SCN3A: variants seen among roughly 807,000 people sequenced by gnomAD.
SCN3A encodes the protein sodium voltage-gated channel alpha subunit 3, also known as sodium channel protein type 3 subunit alpha.
SCN3A carries 60 observed loss-of-function variants against 187.6 expected under a neutral mutation model. The ratio of observed to expected loss-of-function variants is 0.32; its 90% CI spans 0.26 to 0.40. The LOEUF (loss-of-function observed/expected upper bound fraction) is 0.40, where lower values mean the gene tolerates loss of function less well. Among genes scored for constraint, SCN3A ranks in the 10% least tolerant of loss-of-function variants. The probability of loss-of-function intolerance (pLI) is 1.00; values close to 1 mark genes in which losing one functional copy is unlikely to be tolerated. For missense variants in SCN3A, 1,601 were observed against 2,428.2 expected (o/e 0.66, Z 7.16); for synonymous variants, 788 against 829.2 (o/e 0.95, Z 0.85).
At chr2:165,125,305 A>G (rs1686919826) in intron 18 of SCN3A, among the ~76,000 whole-genome samples, 1 of 151,400 alleles carries the variant, frequency 6.6e-6, no homozygotes, top group Non-Finnish European at 1.5e-5. Flanking sequence ...TGACAGGATT[A>G]AACTTTTTTT....
In SCN3A at chr2:165,139,618, A is replaced by G; in HGVS notation, c.2020-10T>C. On this transcript the variant is annotated splice_polypyrimidine_tract_variant and intron_variant, in intron 13 of 27. Coordinates refer to ENST00000283254, the MANE Select transcript of SCN3A (RefSeq NM_006922.4). ...TTTCTGTGGTGGTGCCCTGCAAACCAAATACTGATGGCTCAAACCACTCTT... is the reference window on the plus strand; with the variant it reads ...TTTCTGTGGTGGTGCCCTGCAAACCGAATACTGATGGCTCAAACCACTCTT... 1 of 1,613,794 alleles carries G rather than the reference A, an allele frequency of 6.2e-7. No individual in the cohort carries two copies. Among genetic ancestry groups the G allele is most frequent in the East Asian group, 2.2e-5 (1 of 44,862 alleles).
chr2:165,092,273 C>T lies in SCN3A; in HGVS notation c.4788G>A (p.Val1596=), dbSNP rs761026931. ...TIGWNIFDFV[V]VILSIVGMFL... ...TCTTACCTACAATGGAGAGAATCAC[C>T]ACCACAAAGTCAAAGATGTTCCAGC... Residue 1596 remains valine, a synonymous_variant, in exon 27 of 28, where the codon GTG becomes GTA. Transcript: ENST00000283254. This position sits in a 1 kb window ranked among gnomAD's most constrained non-coding sequence, Gnocchi z 4.2. The T allele has an allele frequency of 2.5e-6, 4 of 1,613,940 alleles. No homozygotes were observed. Among genetic ancestry groups the T allele is most frequent in the Non-Finnish European group, 3.4e-6 (4 of 1,179,914 alleles).
intron 18 of SCN3A, among the ~76,000 whole-genome samples, chr2:165,124,969 A>G (rs1686901437): frequency 2.6e-5 from 4 of 152,186 alleles, no homozygotes; most frequent in Admixed American, 2.0e-4. Flanking sequence ...AACAGAAAAT[A>G]GCTCCCTATT....
At chr2:165,096,622 C>A (rs927037532) in intron 23 of SCN3A, 102 bp from the exon 24 acceptor site, 9 of 742,346 alleles carry the variant, frequency 1.2e-5, no homozygotes, top group South Asian at 1.8e-5. Flanking sequence ...ACTTTTTGTA[C>A]AATATTGTGA....
chr2:165,183,809 G>C (rs57861784), intron 2 of SCN3A, among the ~76,000 whole-genome samples: 11 of 152,056 alleles, frequency 7.2e-5, no homozygotes, highest in African/African-American at 2.4e-4. Flanking sequence ...GTGTCAGAAG[G>C]CTGTAAATTT....
At chr2:165,133,136 G>T (rs1687450156) in intron 15 of SCN3A, among the ~76,000 whole-genome samples, 1 of 152,222 alleles carries the variant, frequency 6.6e-6, no homozygotes, top group African/African-American at 2.4e-5. Flanking sequence ...GAAACAACAG[G>T]TGCTGGAGAG....
chr2:165,123,458 A>T (rs1406441044), intron 18 of SCN3A, among the ~76,000 whole-genome samples: 1 of 152,188 alleles, frequency 6.6e-6, no homozygotes, highest in African/African-American at 2.4e-5. Flanking sequence ...AATACCATCT[A>T]AATTAATGAT....
Position 165,129,978 on chromosome 2 carries a change from T to A in SCN3A, c.2884A>T (p.Ile962Phe). 6.2e-7 allele frequency: 1 copy of A among 1,614,060 alleles called. No individual in the cohort carries two copies. The stretch of plus-strand genomic sequence containing the variant: ...ATGACCATGACCAACATGAAAACAA[T>A]AAGGCACATGGTTTGGCCAGCGACC... The part of the protein sequence containing the change: ...MEVAGQTMCL[I>F]VFMLVMVIGN... The change falls in exon 17 of 28, where the codon ATT (isoleucine) becomes TTT (phenylalanine). Residue 962 changes from isoleucine to phenylalanine, a missense_variant. Transcript: ENST00000283254.
At chr2:165,100,871 C>G (rs979253602) in intron 21 of SCN3A, among the ~76,000 whole-genome samples, 1 of 152,162 alleles carries the variant, frequency 6.6e-6, no homozygotes, top group South Asian at 2.1e-4. Context: ...GATATCTTAT[C>G]TCCCTTTCCA....
chr2:165,150,954 G>A (rs1688653228), intron 11 of SCN3A, among the ~76,000 whole-genome samples: 1 of 151,974 alleles, frequency 6.6e-6, no homozygotes, highest in African/African-American at 2.4e-5. Context: ...TTATAAATGT[G>A]TTTTATTTAT....
chr2:165,170,137 A>G (rs990116598), intron 4 of SCN3A, among the ~76,000 whole-genome samples: 2 of 151,958 alleles, frequency 1.3e-5, no homozygotes, highest in Admixed American at 6.6e-5. Context: ...ATGGTTATAT[A>G]TGACCTCATT....
At chr2:165,096,845 G>T (rs1182432316) in intron 23 of SCN3A, among the ~76,000 whole-genome samples, 3 of 151,980 alleles carry the variant, frequency 2.0e-5, no homozygotes, top group African/African-American at 7.2e-5. Context: ...ACACATAGTA[G>T]AATCATATTT....
At chr2:165,164,577 G>A (rs1469967805) in intron 5 of SCN3A, 57 bp from the exon 6 acceptor site, 2 of 1,583,958 alleles carry the variant, frequency 1.3e-6, no homozygotes, top group East Asian at 4.5e-5. Flanking sequence ...TAAAATAAAT[G>A]TTTTCAATCA....
chr2:165,146,799 G>A lies in SCN3A; in HGVS notation c.1611C>T (p.Phe537=). Residue 537 remains phenylalanine (F), a synonymous_variant, in exon 12 of 28, where the codon TTC becomes TTT. Coordinates refer to ENST00000283254, the MANE Select transcript of SCN3A (RefSeq NM_006922.4). ...ESEDSVKRSS[F]LFSMDGNRLT... ...GTCTGTTTCCATCCATGGAGAAAAGGAAGCTGCTTCTTTTGACGCTGTCTT... is the reference window on the plus strand; with the variant it reads ...GTCTGTTTCCATCCATGGAGAAAAGAAAGCTGCTTCTTTTGACGCTGTCTT... 6.2e-7 allele frequency: 1 copy of A among 1,614,044 alleles called. No homozygotes were observed. The highest frequency in any genetic ancestry group is 8.5e-7 in the Non-Finnish European group (1 of 1,179,958).
At chr2:165,202,248 G>A (rs554526931) in intron 1 of SCN3A, among the ~76,000 whole-genome samples, 3 of 152,046 alleles carry the variant, frequency 2.0e-5, no homozygotes, top group Admixed American at 6.6e-5. Flanking sequence ...TTCACATGGC[G>A]ACCACATGTA....
At chr2:165,113,186 C>T (rs979015868) in intron 20 of SCN3A, 128 bp from the exon 21 acceptor site, 9 of 727,836 alleles carry the variant, frequency 1.2e-5, no homozygotes, top group African/African-American at 5.4e-5. Context: ...AAACATTGAA[C>T]ATCAGACAAA....
Position 165,090,741 on chromosome 2 carries a change from C to T in SCN3A, c.5412G>A (p.Ala1804=), listed in dbSNP as rs757643326. 17 of 1,613,906 alleles carry T rather than the reference C, an allele frequency of 1.1e-5. No homozygotes were observed. The Admixed American group carries it at 1.5e-4, about 14-fold the overall frequency. ...GTTTAGAGAACTCTATAAACTGGGT[C>T]GCATCGGGATCAAACTTTTCCCAAA... ...YEVWEKFDPD[A]TQFIEFSKLS... The change falls in exon 28 of 28, where the codon GCG becomes GCA. Residue 1804 remains alanine (A), a synonymous_variant. Transcript: ENST00000283254. The surrounding 1 kb of genome is among the most constrained non-coding windows in gnomAD (Gnocchi z 4.0).
intron 3 of SCN3A, among the ~76,000 whole-genome samples, chr2:165,174,751 T>G (rs914916103): frequency 6.6e-6 from 1 of 152,198 alleles, no homozygotes; most frequent in Admixed American, 6.6e-5. Flanking sequence ...ACATTTCAAA[T>G]TTTTCTTTAT....
intron 11 of SCN3A, among the ~76,000 whole-genome samples, chr2:165,147,442 T>C (rs1688425379): frequency 6.6e-6 from 1 of 152,154 alleles, no homozygotes; most frequent in South Asian, 2.1e-4. Context: ...GAGTCGTATT[T>C]TTTCCCCTCT....
Sources: allele counts gnomAD v4.1 joint callset (sites outside exome capture counted in the v4.1 genomes callset), GRCh38; gene constraint gnomAD v4.1.1; non-coding constraint Gnocchi (gnomAD v3.1); transcripts MANE v1.5; gene names NCBI Gene and HGNC (gene_info 2026-07-23, HGNC 2026-07-21).